Variants in CEP112 observed in about 807,000 individuals in gnomAD.
CEP112 encodes the protein centrosomal protein of 112 kDa.
CEP112 carries 127 observed loss-of-function variants against 153.0 expected under a neutral mutation model. That is an observed-to-expected ratio of 0.83 (90% CI 0.72 to 0.96). The LOEUF (loss-of-function observed/expected upper bound fraction) is 0.96. Among genes scored for constraint, CEP112 ranks in the 40% least tolerant of loss-of-function variants. The probability of loss-of-function intolerance (pLI) is 0.00; values close to 1 mark genes in which losing one functional copy is unlikely to be tolerated. For synonymous variants in CEP112, 358 were observed against 374.4 expected, an observed-to-expected ratio of 0.96 and a Z score of 0.51; for missense variants, 1,089 against 1,101.2, an observed-to-expected ratio of 0.99 and a Z score of 0.16.
At chr17:65,890,375 T>C (rs1043756743) in intron 20 of CEP112, among the ~76,000 whole-genome samples, 2 of 152,220 alleles carry the variant, frequency 1.3e-5, no homozygotes, top group African/African-American at 4.8e-5. Context: ...GAATGCTTTT[T>C]CCATTCTAAT....
intron 21 of CEP112, among the ~76,000 whole-genome samples, chr17:65,758,302 T>C (rs570112717): frequency 2.0e-5 from 3 of 152,132 alleles, no homozygotes; most frequent in African/African-American, 7.2e-5. Context: ...TTCTCATCTG[T>C]TTTTCTAGGG....
At chr17:65,994,265 T>C (rs1275345869) in intron 17 of CEP112, among the ~76,000 whole-genome samples, 2 of 152,182 alleles carry the variant, frequency 1.3e-5, no homozygotes, top group Admixed American at 6.5e-5. Context: ...TAGGCTTTCA[T>C]TGAGTTGACC....
chr17:65,739,287 G>A (rs2050983753), intron 23 of CEP112, among the ~76,000 whole-genome samples: 1 of 152,228 alleles, frequency 6.6e-6, no homozygotes, highest in African/African-American at 2.4e-5. Flanking sequence ...GCAGATAGAT[G>A]TTGCTCTAAG....
At chr17:66,142,703 G>A (rs545422395) in intron 4 of CEP112, among the ~76,000 whole-genome samples, 2 of 152,118 alleles carry the variant, frequency 1.3e-5, no homozygotes, top group East Asian at 3.9e-4. Context: ...TGTTCCATTG[G>A]TCTATATGTC....
At chr17:66,027,134 T>C (rs2065245711) in intron 16 of CEP112, among the ~76,000 whole-genome samples, 1 of 152,188 alleles carries the variant, frequency 6.6e-6, no homozygotes, top group Non-Finnish European at 1.5e-5. Flanking sequence ...CCCAGCACTT[T>C]GGGAGGCCGA....
intron 4 of CEP112, among the ~76,000 whole-genome samples, chr17:66,159,698 A>G (rs2071611301): frequency 6.6e-6 from 1 of 152,214 alleles, no homozygotes; most frequent in Non-Finnish European, 1.5e-5. Flanking sequence ...GATGGAATGT[A>G]CCTCAAAATA....
intron 17 of CEP112, among the ~76,000 whole-genome samples, chr17:65,991,800 A>G (rs1255447385): frequency 2.0e-5 from 3 of 152,004 alleles, no homozygotes; most frequent in Non-Finnish European, 4.4e-5. Flanking sequence ...TTTTTCACCA[A>G]CCTTACAAAC....
At chr17:65,712,685 A>G (rs913873584) in intron 23 of CEP112, among the ~76,000 whole-genome samples, 1 of 152,154 alleles carries the variant, frequency 6.6e-6, no homozygotes, top group Non-Finnish European at 1.5e-5. Context: ...TGCTTTTTTC[A>G]CCAGCAAATG....
intron 4 of CEP112, among the ~76,000 whole-genome samples, chr17:66,154,879 T>A (rs910688576): frequency 2.0e-5 from 3 of 152,150 alleles, no homozygotes; most frequent in African/African-American, 7.2e-5. Flanking sequence ...TATTAAGAGG[T>A]GTGACCTTTA....
intron 21 of CEP112, among the ~76,000 whole-genome samples, chr17:65,766,307 T>C (rs771428915): frequency 1.9e-4 from 27 of 139,500 alleles, no homozygotes; most frequent in Non-Finnish European, 3.1e-4. Context: ...TTGTTATCAG[T>C]GTAAAATAGT....
chr17:65,883,261 T>C (rs1209444797), intron 20 of CEP112, among the ~76,000 whole-genome samples: 1 of 123,700 alleles, frequency 8.1e-6, no homozygotes, highest in Non-Finnish European at 1.9e-5. Flanking sequence ...CTAAGAAGTT[T>C]ACATATATAT....
At chr17:65,794,989 G>A (rs2054823979) in intron 21 of CEP112, among the ~76,000 whole-genome samples, 1 of 152,234 alleles carries the variant, frequency 6.6e-6, no homozygotes. Flanking sequence ...CACAAGGCAG[G>A]TATTCAACAA....
chr17:65,910,893 A>G (rs1039493552), intron 19 of CEP112, among the ~76,000 whole-genome samples: 1 of 152,196 alleles, frequency 6.6e-6, no homozygotes, highest in African/African-American at 2.4e-5. Flanking sequence ...CAAGGACTGT[A>G]GTCCCCAAAC....
At chr17:65,942,536 G>A (rs773507852) in intron 18 of CEP112, among the ~76,000 whole-genome samples, 2 of 152,162 alleles carry the variant, frequency 1.3e-5, no homozygotes, top group Non-Finnish European at 2.9e-5. Context: ...ATCTGGAAAA[G>A]GAAGGGTAAA....
intron 20 of CEP112, among the ~76,000 whole-genome samples, chr17:65,885,977 A>G (rs1428978925): frequency 3.3e-5 from 5 of 152,218 alleles, no homozygotes; most frequent in African/African-American, 4.8e-5. Context: ...ACCTATATAT[A>G]TGAATTGCTT....
intron 10 of CEP112, among the ~76,000 whole-genome samples, chr17:66,065,634 T>A (rs1334533801): frequency 6.6e-6 from 1 of 151,632 alleles, no homozygotes; most frequent in Non-Finnish European, 1.5e-5. Flanking sequence ...AAAATCTTTT[T>A]TTTTTTTTTT....
chr17:65,905,730 C>A (rs892542809), intron 19 of CEP112, among the ~76,000 whole-genome samples: 2 of 152,060 alleles, frequency 1.3e-5, no homozygotes, highest in African/African-American at 4.8e-5. Flanking sequence ...GAGGTCAAGA[C>A]CATCTTGGCT....
chr17:65,645,604 T>C (rs919558341), intron 24 of CEP112, among the ~76,000 whole-genome samples: 17 of 152,220 alleles, frequency 1.1e-4, no homozygotes, highest in African/African-American at 3.6e-4. Context: ...TCTCTTCTTT[T>C]TTCTATTTCT....
intron 20 of CEP112, among the ~76,000 whole-genome samples, chr17:65,863,634 C>T (rs1235632205): frequency 6.6e-6 from 1 of 150,622 alleles, no homozygotes; most frequent in African/African-American, 2.4e-5. Flanking sequence ...TGGCGGGTGC[C>T]TGTAGTCCCA....
Sources: allele counts gnomAD v4.1 joint callset (sites outside exome capture counted in the v4.1 genomes callset), GRCh38; gene constraint gnomAD v4.1.1; transcripts MANE v1.5; gene names NCBI Gene and HGNC (gene_info 2026-07-23, HGNC 2026-07-21).